The following FAM91A1 variants were observed in gnomAD, a reference collection of about 807,000 sequenced individuals.
FAM91A1 encodes family with sequence similarity 91 member A1.
Under a neutral mutation model 113.5 loss-of-function variants are expected in FAM91A1, and 41 were observed. That is an observed-to-expected ratio of 0.36 (90% CI 0.28 to 0.47). FAM91A1 has a LOEUF of 0.47. Ranked by LOEUF, FAM91A1 falls within the 20% of genes least tolerant of loss-of-function variation. The pLI, the probability that FAM91A1 is intolerant of heterozygous loss-of-function variation, is 1.00. For missense variants in FAM91A1, 696 were observed against 1,001.2 expected (o/e 0.70, Z 4.11); for synonymous variants, 307 against 347.9 (o/e 0.88, Z 1.31).
chr8:123,800,129 T>C (rs1815638424), intron 18 of FAM91A1, among the ~76,000 whole-genome samples: 1 of 151,888 alleles, frequency 6.6e-6, no homozygotes, highest in South Asian at 2.1e-4. Context: ...GTGACCATGA[T>C]TTTTTTTATT....
intron 8 of FAM91A1, among the ~76,000 whole-genome samples, chr8:123,782,046 A>G (rs577375436): frequency 6.6e-6 from 1 of 152,348 alleles, no homozygotes; most frequent in East Asian, 1.9e-4. Context: ...TTAGTCTTTG[A>G]CTAGTTCATT....
chr8:123,808,221 C>G (rs776624864), intron 20 of FAM91A1, 51 bp from the exon 21 acceptor site: 20 of 1,445,122 alleles, frequency 1.4e-5, no homozygotes, highest in Middle Eastern at 2.5e-4. Context: ...TTATTGGCAG[C>G]TTCTGCTAAC....
Position 123,768,588 on chromosome 8 carries a change from A to T in FAM91A1, c.-115A>T. The stretch of plus-strand genomic sequence containing the variant: ...CCATGGGGCAGCCTGGGCCTTCTGC[A>T]GTGTGAGGCGCGGGGCCTCCCGCGT... On this transcript the variant is annotated 5_prime_UTR_variant, in exon 1 of 24. Transcript: ENST00000334705. 1.1e-6 allele frequency: 1 copy of T among 889,054 alleles called. No homozygotes were observed. Among genetic ancestry groups the T allele is most frequent in the Non-Finnish European group, 1.7e-6 (1 of 598,794 alleles). The allele number at this position is 889,054 out of a possible 1,614,324, so 55.1% of individuals were successfully genotyped here. A position where few individuals can be genotyped will look rare whatever the true frequency, so the allele number is the denominator to read the frequency against.
chr8:123,793,350 T>G lies in FAM91A1; in HGVS notation c.1411+3605T>G, dbSNP rs191585232. Among the ~76,000 whole-genome samples, 398 of 152,346 alleles carry G rather than the reference T, an allele frequency of 2.6e-3. 1 individual carries two copies. Among genetic ancestry groups the G allele is most frequent in the Non-Finnish European group, 4.5e-3 (308 of 68,018 alleles). On this transcript the variant is annotated intron_variant, in intron 15 of 23. Coordinates refer to ENST00000334705, the MANE Select transcript of FAM91A1 (RefSeq NM_144963.4). ...TTAGAATCCATTGGTGGTTCTTGCC[T>G]GAACCATTCTGTACTTTGATGGTTG...
intron 18 of FAM91A1, 33 bp from the exon 19 acceptor site, chr8:123,805,234 C>T (rs1462174831): frequency 1.3e-6 from 2 of 1,546,796 alleles, no homozygotes; most frequent in African/African-American, 2.7e-5. Flanking sequence ...ATGAAGGTTT[C>T]TTGTATACCT....
chr8:123,796,004 G>A (rs187338453), intron 15 of FAM91A1, among the ~76,000 whole-genome samples: 107 of 152,316 alleles, frequency 7.0e-4, no homozygotes, highest in Admixed American at 1.7e-3. Context: ...TTTCCCTGAA[G>A]TCAGGAAGTA....
intron 1 of FAM91A1, 122 bp downstream of exon 1, chr8:123,768,896 G>GTGGTCTTGGGGAGACGGACCT: frequency 9.9e-7 from 1 of 1,007,894 alleles, no homozygotes; most frequent in Non-Finnish European, 1.5e-6. Context: ...TTACTCCTCC[G>GTGGTCTTGGGGAGACGGACCT]TGGTCTTGGG....
intron 15 of FAM91A1, among the ~76,000 whole-genome samples, chr8:123,790,430 G>A (rs1238376857): frequency 1.3e-5 from 2 of 152,176 alleles, no homozygotes; most frequent in African/African-American, 4.8e-5. Flanking sequence ...TGATTCCAGT[G>A]CTCAGCTAGG....
intron 8 of FAM91A1, among the ~76,000 whole-genome samples, chr8:123,782,683 T>C (rs1815153526): frequency 6.6e-6 from 1 of 152,246 alleles, no homozygotes; most frequent in South Asian, 2.1e-4. Flanking sequence ...TTGGAACTTA[T>C]TTTCATATTT....
intron 3 of FAM91A1, among the ~76,000 whole-genome samples, chr8:123,776,372 G>A (rs969595120): frequency 3.0e-4 from 46 of 152,242 alleles, no homozygotes; most frequent in African/African-American, 1.0e-3. Flanking sequence ...TACATACGAT[G>A]TGTGCTTTGC....
intron 10 of FAM91A1, 138 bp downstream of exon 10, chr8:123,785,257 A>G: frequency 1.4e-6 from 1 of 735,464 alleles, no homozygotes; most frequent in Non-Finnish European, 2.2e-6. Context: ...TGCACAGTAA[A>G]GGGGCACTTG....
intron 4 of FAM91A1, 83 bp downstream of exon 4, chr8:123,777,405 GT>G: frequency 7.9e-7 from 1 of 1,261,898 alleles, no homozygotes; most frequent in African/African-American, 1.5e-5. Flanking sequence ...TGTCATGTGT[GT>G]TTTTAACCTG....
chr8:123,788,227 C>G, intron 14 of FAM91A1: 2 of 985,334 alleles, frequency 2.0e-6, no homozygotes, highest in Non-Finnish European at 1.2e-6. Context: ...GCCATATTTG[C>G]TCTTAACCAC....
Position 123,799,842 on chromosome 8 carries a change from C to T in FAM91A1, c.1766C>T (p.Thr589Met), listed in dbSNP as rs371064731. Reference sequence around the variant, plus strand: ...GTAGTTCCTACCTCAAATGTGCTCACGATGTTGAATGATGCTTTAACACAT... The same window carrying T: ...GTAGTTCCTACCTCAAATGTGCTCATGATGTTGAATGATGCTTTAACACAT... ...PGVVPTSNVL[T>M]MLNDALTHSA... Residue 589 changes from threonine to methionine, a missense_variant, in exon 18 of 24, where the codon ACG becomes ATG. Physicochemically the swap from Thr to Met is moderately conservative, Grantham distance 81. Transcript: ENST00000334705. 3.0e-4 allele frequency: 480 copies of T among 1,607,732 alleles called. No individual in the cohort carries two copies. Among genetic ancestry groups the T allele is most frequent in the Non-Finnish European group, 3.9e-4 (457 of 1,175,114 alleles).
At chr8:123,786,449 G>T (rs1418686243) in intron 11 of FAM91A1, 46 bp from the exon 12 acceptor site, 3 of 1,285,120 alleles carry the variant, frequency 2.3e-6, no homozygotes, top group Non-Finnish European at 3.4e-6. Flanking sequence ...TTAATGTAAG[G>T]TCATTTATAT....
intron 15 of FAM91A1, among the ~76,000 whole-genome samples, chr8:123,791,181 A>G (rs573213403): frequency 6.6e-6 from 1 of 152,276 alleles, no homozygotes; most frequent in South Asian, 2.1e-4. Flanking sequence ...TTATAGATAA[A>G]GAAATTGGAG....
chr8:123,791,586 ATGAATGCCTCC>A (rs562415148), intron 15 of FAM91A1, among the ~76,000 whole-genome samples: 1 of 152,294 alleles, frequency 6.6e-6, no homozygotes, highest in Non-Finnish European at 1.5e-5. Flanking sequence ...GTTAAATTTG[ATGAATGCCTCC>A]CCTTAAGACC....
At chr8:123,799,736 T>G (rs199513970) in intron 17 of FAM91A1, 36 bp from the exon 18 acceptor site, 1 of 1,605,016 alleles carries the variant, frequency 6.2e-7, no homozygotes, top group Non-Finnish European at 8.5e-7. Context: ...TCCTTATTTC[T>G]GAATGCCATT....
intron 11 of FAM91A1, 38 bp downstream of exon 11, chr8:123,785,779 C>A: frequency 8.3e-7 from 1 of 1,210,780 alleles, no homozygotes; most frequent in South Asian, 1.6e-5. Flanking sequence ...ATTAGAGTTT[C>A]CTTTTGAAAA....
Sources: allele counts gnomAD v4.1 joint callset (sites outside exome capture counted in the v4.1 genomes callset), GRCh38; gene constraint gnomAD v4.1.1; transcripts MANE v1.5; gene names NCBI Gene and HGNC (gene_info 2026-07-23, HGNC 2026-07-21).